USP6: variants seen among roughly 807,000 people sequenced by gnomAD.
The protein encoded by USP6 is ubiquitin specific peptidase 6, also known as ubiquitin carboxyl-terminal hydrolase 6.
USP6 carries 128 observed loss-of-function variants against 175.7 expected under a neutral mutation model. That is an observed-to-expected ratio of 0.73 (90% CI 0.63 to 0.84). The LOEUF (loss-of-function observed/expected upper bound fraction) is 0.84. Ranked by LOEUF, USP6 falls within the 40% of genes least tolerant of loss-of-function variation. USP6 has a pLI of 0.00. For missense variants in USP6, 1,498 were observed against 1,760.3 expected (o/e 0.85, Z 2.67); for synonymous variants, 562 against 630.6 (o/e 0.89, Z 1.63).
chr17:5,130,147 C>G, intron 9 of USP6, 58 bp downstream of exon 9: 1 of 563,640 alleles, frequency 1.8e-6, no homozygotes, highest in Non-Finnish European at 3.2e-6. Flanking sequence ...AGGTCCCACT[C>G]TTCTCGAGTC....
chr17:5,139,418 CT>C lies in USP6; in HGVS notation c.1243del (p.Cys415ValfsTer49). The C allele has an allele frequency of 1.9e-6, 3 of 1,613,316 alleles. No individual in the cohort carries two copies. Among genetic ancestry groups the C allele is most frequent in the Non-Finnish European group, 2.5e-6 (3 of 1,180,036 alleles). Reference sequence around the variant, plus strand: ...CATGGGCATCTCGTTTTTCCACGCCCTGTCCTGGTGGGGCTGTCCGGGAAGA... The same window carrying C: ...CATGGGCATCTCGTTTTTCCACGCCCGTCCTGGTGGGGCTGTCCGGGAAGA... ...PPWASRFSTP[C>X]PGGAVREDTY... On this transcript the variant is annotated frameshift_variant, in exon 22 of 38. Transcript: ENST00000574788. LOFTEE classifies it high-confidence loss of function.
intron 32 of USP6, 144 bp from the exon 33 acceptor site, chr17:5,162,740 C>T (rs2074027866): frequency 2.6e-6 from 3 of 1,157,100 alleles, no homozygotes; most frequent in African/African-American, 3.3e-5. Context: ...TTACATTTAT[C>T]AGAGTCTGAA....
chr17:5,139,150 A>T, intron 21 of USP6, 105 bp from the exon 22 acceptor site: 1 of 1,597,964 alleles, frequency 6.3e-7, no homozygotes, highest in Non-Finnish European at 8.5e-7. Flanking sequence ...CACAGGGGCC[A>T]CACAGAGACC....
intron 11 of USP6, 40 bp downstream of exon 11, chr17:5,130,724 T>A: frequency 6.2e-7 from 1 of 1,609,746 alleles, no homozygotes; most frequent in Non-Finnish European, 8.5e-7. Flanking sequence ...CTAAAGCAGC[T>A]GTCTCAGCTC....
At chr17:5,125,338 A>T (rs2072850807) in intron 5 of USP6, 66 bp downstream of exon 5, 1 of 152,364 alleles carries the variant, frequency 6.6e-6, no homozygotes, top group Admixed American at 6.5e-5. Context: ...GCACACAATA[A>T]ATGTAATGGG....
chr17:5,162,734 A>G, intron 32 of USP6, 150 bp from the exon 33 acceptor site: 2 of 1,138,834 alleles, frequency 1.8e-6, no homozygotes, highest in East Asian at 3.0e-5. Flanking sequence ...GTATCCTTAC[A>G]TTTATCAGAG....
At chr17:5,155,168 A>G (rs1177121412) in intron 30 of USP6, among the ~76,000 whole-genome samples, 1 of 152,218 alleles carries the variant, frequency 6.6e-6, no homozygotes, top group Non-Finnish European at 1.5e-5. Flanking sequence ...TGGTTTGAAT[A>G]TATTGATTGC....
intron 27 of USP6, 73 bp from the exon 28 acceptor site, chr17:5,145,950 T>A: frequency 1.4e-6 from 2 of 1,475,694 alleles, no homozygotes; most frequent in East Asian, 2.3e-5. Context: ...AGGTCAGATA[T>A]ATCTGTACAC....
rs779675874 is a variant in USP6, at chr17:5,170,951, CTGTGT to C, written c.3954+38_3954+42del. ...TATTATACGGTTTTCAGAGAGTGGT[CTGTGT>C]TTTGTTCACTTGTCTTCATGTATTC... On this transcript the variant is annotated intron_variant, in intron 36 of 37. Transcript: ENST00000574788. 4.4e-6 allele frequency: 7 copies of C among 1,599,552 alleles called. No individual in the cohort carries two copies. The East Asian group carries it at 1.6e-4, about 36-fold the overall frequency.
chr17:5,124,147 A>G (rs531756959), intron 4 of USP6, among the ~76,000 whole-genome samples: 51 of 152,350 alleles, frequency 3.3e-4, no homozygotes, highest in Non-Finnish European at 2.1e-4. Flanking sequence ...GTCTGTGCAC[A>G]CATACTCTCA....
chr17:5,138,673 G>A (rs537738398), intron 21 of USP6, among the ~76,000 whole-genome samples: 50 of 152,292 alleles, frequency 3.3e-4, no homozygotes, highest in African/African-American at 1.1e-3. Flanking sequence ...CTCCTCCAAG[G>A]TTGCCAGGAC....
Position 5,116,344 on chromosome 17 carries a change from G to T in USP6, c.-2324G>T, listed in dbSNP as rs369165972. On this transcript the variant is annotated 5_prime_UTR_variant, in exon 1 of 38. Coordinates refer to ENST00000574788, the MANE Select transcript of USP6 (RefSeq NM_001304284.2). ...CCCGCCTCACCACTCCCGGCTTCCCGGGGCTTAGGCCCGCACCATCGAGTC... is the reference window on the plus strand; with the variant it reads ...CCCGCCTCACCACTCCCGGCTTCCCTGGGCTTAGGCCCGCACCATCGAGTC... The T allele has an allele frequency of 7.3e-6, 1 of 137,650 alleles. No homozygotes were observed. Among genetic ancestry groups the T allele is most frequent in the Non-Finnish European group, 1.7e-5 (1 of 57,960 alleles). The allele number at this position is 137,650 out of a possible 1,614,324, so 8.5% of individuals were successfully genotyped here.
At chr17:5,150,882 G>C (rs368176258) in intron 30 of USP6, among the ~76,000 whole-genome samples, 30 of 152,144 alleles carry the variant, frequency 2.0e-4, no homozygotes, top group African/African-American at 7.2e-4. Flanking sequence ...TTCTAGGAGA[G>C]AATGCTTTCT....
In USP6 at chr17:5,173,141, T is replaced by C; in HGVS notation, c.*163T>C. Reference sequence around the variant, plus strand: ...AGTTAACTTGAAGAGTAGAAACAATTGTATTTTGAAGTCTCATACAAGCTG... The same window carrying C: ...AGTTAACTTGAAGAGTAGAAACAATCGTATTTTGAAGTCTCATACAAGCTG... On this transcript the variant is annotated 3_prime_UTR_variant, in exon 38 of 38. Coordinates refer to ENST00000574788, the MANE Select transcript of USP6 (RefSeq NM_001304284.2). 1 of 966,714 alleles carries C rather than the reference T, an allele frequency of 1.0e-6. No homozygotes were observed. Among genetic ancestry groups the C allele is most frequent in the Non-Finnish European group, 1.5e-6 (1 of 669,532 alleles). The allele number at this position is 966,714 out of a possible 1,614,324, so 59.9% of individuals were successfully genotyped here.
chr17:5,135,786 A>G (rs766909964), intron 16 of USP6, 22 bp from the exon 17 acceptor site: 6 of 1,597,574 alleles, frequency 3.8e-6, no homozygotes, highest in South Asian at 1.1e-5. Context: ...ATGTCCTTCC[A>G]TGGTGACTCT....
chr17:5,151,420 G>C (rs575356096), intron 30 of USP6, among the ~76,000 whole-genome samples: 52 of 138,942 alleles, frequency 3.7e-4, no homozygotes, highest in African/African-American at 1.4e-3. Context: ...CAATAAAAAT[G>C]CAAAGTCTGC....
At chr17:5,123,471 GCCCGCGTCACCCGGCAGCAAACAC>G (rs2072775319) in intron 4 of USP6, among the ~76,000 whole-genome samples, 1 of 151,518 alleles carries the variant, frequency 6.6e-6, no homozygotes, top group Non-Finnish European at 1.5e-5. Flanking sequence ...GGCCGGCCCA[GCCCGCGTCACCCGGCAGCAAACAC>G]GCAGGGTGAG....
At chr17:5,142,580 G>C (rs1051969186) in intron 25 of USP6, 78 bp downstream of exon 25, 26 of 1,499,058 alleles carry the variant, frequency 1.7e-5, no homozygotes, top group Non-Finnish European at 2.1e-5. Flanking sequence ...TGTTTTTTGT[G>C]TTTAGCCTTT....
In USP6 at chr17:5,134,916, T is replaced by C. The variant is rs1343319699; in HGVS notation, c.495-318T>C. The C allele has an allele frequency of 1.9e-5, 7 of 362,884 alleles. No individual in the cohort carries two copies. In the Admixed American group the frequency reaches 2.7e-4, roughly 14 times the overall value. 22.5% of individuals were successfully genotyped at this position (362,884 alleles called of 1,614,324 possible). ...GTCGCTCCAGGAGGGGCTGGAGCGG[T>C]GGCCGGGAGACTGCACATTGGTTTG... On this transcript the variant is annotated intron_variant, in intron 15 of 37. Transcript: ENST00000574788.
Sources: allele counts gnomAD v4.1 joint callset (sites outside exome capture counted in the v4.1 genomes callset), GRCh38; gene constraint gnomAD v4.1.1; transcripts MANE v1.5; gene names NCBI Gene and HGNC (gene_info 2026-07-23, HGNC 2026-07-21).